FKBP15: variants seen among roughly 807,000 people sequenced by gnomAD.
FKBP15 encodes FKBP prolyl isomerase family member 15.
A neutral mutation model predicts 158.1 loss-of-function variants in FKBP15; 106 were observed. The observed-to-expected ratio is 0.67, with a 90% confidence interval of 0.57 to 0.79. The LOEUF (loss-of-function observed/expected upper bound fraction) is 0.79. Ranked by LOEUF, FKBP15 falls within the 30% of genes least tolerant of loss-of-function variation. The pLI is 0.00. For missense variants in FKBP15, 1,287 were observed against 1,479.1 expected, an observed-to-expected ratio of 0.87 and a Z score of 2.13; for synonymous variants, 547 against 548.6, an observed-to-expected ratio of 1.00 and a Z score of 0.04.
rs568992814 is a variant in FKBP15 at position 113,183,018 on chromosome 9, G to A, written c.1812-150C>T. 7.7e-5 allele frequency: 54 copies of A among 705,638 alleles called. No homozygotes were observed. In the South Asian group the frequency reaches 9.1e-4, roughly 12 times the overall value. 43.7% of individuals were successfully genotyped at this position (705,638 alleles called of 1,614,324 possible). On this transcript the variant is annotated intron_variant, in intron 18 of 27. Coordinates refer to ENST00000238256, the MANE Select transcript of FKBP15 (RefSeq NM_015258.2). ...GCATTTTCTTTTCCTTAGATCTGAA[G>A]TAGTGAGATCTAAGGAAATCAGGTT...
intron 21 of FKBP15, 34 bp from the exon 22 acceptor site, chr9:113,174,617 T>C: frequency 6.2e-7 from 1 of 1,603,820 alleles, no homozygotes; most frequent in Non-Finnish European, 8.5e-7. Flanking sequence ...CAGCTCTAGC[T>C]TGTTAACAGA....
chr9:113,215,620 G>A (rs1392198043), intron 1 of FKBP15, among the ~76,000 whole-genome samples: 103 of 108,842 alleles, frequency 9.5e-4, no homozygotes, highest in African/African-American at 3.8e-3. Context: ...GTGTGTGTGT[G>A]TGTGTATATA....
Position 113,161,836 on chromosome 9 carries a change from A to G in FKBP15, c.*4242T>C, listed in dbSNP as rs577666075. 75 of 908,982 alleles carry G rather than the reference A, an allele frequency of 8.3e-5. No individual in the cohort carries two copies. In the African/African-American group the frequency reaches 1.1e-3, roughly 14 times the overall value. The allele number at this position is 908,982 out of a possible 1,614,324, so 56.3% of individuals were successfully genotyped here. ...AGGACCAGGACTTGCCAAAGTGGCT[A>G]CACATAGCCAAGTGAACTAGAGCTC... On this transcript the variant is annotated 3_prime_UTR_variant, in exon 28 of 28. Transcript: ENST00000238256.
At position 113,198,282 on chromosome 9, in the gene FKBP15, G is replaced by T. The variant is rs1253913109; in HGVS notation, c.717+573C>A. On this transcript the variant is annotated intron_variant, in intron 8 of 27. Coordinates refer to ENST00000238256, the MANE Select transcript of FKBP15 (RefSeq NM_015258.2). This position sits in a 1 kb window ranked among gnomAD's most constrained non-coding sequence, Gnocchi z 5.2. ...TCCCCTGTTAGGCTATAGGAAGGAT[G>T]AAATAATATTCTCAGAGTCATAGAA... Among the ~76,000 whole-genome samples, 3 of 152,144 alleles carry T rather than the reference G, an allele frequency of 2.0e-5. No individual in the cohort carries two copies. Among genetic ancestry groups the T allele is most frequent in the Admixed American group, 2.0e-4 (3 of 15,278 alleles).
At chr9:113,193,779 T>C (rs1022757593) in intron 10 of FKBP15, among the ~76,000 whole-genome samples, 2 of 152,238 alleles carry the variant, frequency 1.3e-5, no homozygotes, top group Non-Finnish European at 2.9e-5. Context: ...TAATTTTGTA[T>C]TTATGCCCTT....
intron 4 of FKBP15, 69 bp from the exon 5 acceptor site, chr9:113,203,104 T>A: frequency 1.9e-6 from 2 of 1,056,266 alleles, no homozygotes; most frequent in Non-Finnish European, 2.8e-6. Flanking sequence ...CAATATAAAA[T>A]CAGCAATATA....
At chr9:113,209,330 T>C (rs777525661) in intron 2 of FKBP15, among the ~76,000 whole-genome samples, 10 of 152,154 alleles carry the variant, frequency 6.6e-5, no homozygotes, top group Non-Finnish European at 1.3e-4. Flanking sequence ...AGTGTTTTCA[T>C]TGGGTGGGAA....
At chr9:113,166,602 TCGTGGCCTAA>T (rs1264618909) in intron 27 of FKBP15, among the ~76,000 whole-genome samples, 4 of 152,186 alleles carry the variant, frequency 2.6e-5, no homozygotes, top group Non-Finnish European at 4.4e-5. Context: ...AATACTGTCG[TCGTGGCCTAA>T]GGTGGCCTGA....
intron 22 of FKBP15, 118 bp downstream of exon 22, chr9:113,174,310 G>T: frequency 9.4e-7 from 1 of 1,062,384 alleles, no homozygotes; most frequent in Non-Finnish European, 1.3e-6. Context: ...TTTCTCCAAA[G>T]TGAGAGTATC....
rs1351008488 is a variant in FKBP15 at position 113,187,867 on chromosome 9, G to A, written c.1309C>T (p.Pro437Ser). ...PQPSVTGLQA[P>S]SAALMQVSSL... is the part of the protein sequence containing the mutation. ...GACACTTGCATTAAGGCAGCAGAAG[G>A]TGCCTGGAGCCCAGTAACAGATGGC... Residue 437 changes from proline (P) to serine (S), a missense_variant, in exon 14 of 28, where the codon CCT (proline) becomes TCT (serine). Transcript: ENST00000238256. The A allele has an allele frequency of 3.7e-6, 6 of 1,613,906 alleles. No individual in the cohort carries two copies. In the East Asian group the frequency reaches 8.9e-5, roughly 24 times the overall value.
chr9:113,199,826 A>T lies in FKBP15; in HGVS notation c.636T>A (p.His212Gln), dbSNP rs748174595. Residue 212 changes from histidine to glutamine, a missense_variant, in exon 7 of 28, where the codon CAT becomes CAA. Coordinates refer to ENST00000238256, the MANE Select transcript of FKBP15 (RefSeq NM_015258.2). ...VAYTGWLFQN[H>Q]VLGQVFDSTA... is the part of the protein sequence containing the mutation. ...TGCATTTTCTTACCTGGCCCAGCAC[A>T]TGATTCTGAAAGAGCCAGCCGGTAT... 7.4e-6 allele frequency: 12 copies of T among 1,612,522 alleles called. No individual in the cohort carries two copies. The Admixed American group carries it at 2.0e-4, about 27-fold the overall frequency.
rs1198488685 is a variant in FKBP15 at position 113,221,257 on chromosome 9, A to C, written c.-14T>G. On this transcript the variant is annotated 5_prime_UTR_variant, in exon 1 of 28. Transcript: ENST00000238256. The stretch of plus-strand genomic sequence containing the variant: ...CGCACCGAACATTGCGTTGGCTTTC[A>C]CCGGGTTGCGGGGAGGAAGCTGGGT... 2 of 1,601,170 alleles carry C rather than the reference A, an allele frequency of 1.2e-6. No homozygotes were observed. Among genetic ancestry groups the C allele is most frequent in the Non-Finnish European group, 1.7e-6 (2 of 1,174,242 alleles).
rs936617068 is a variant in FKBP15 at position 113,202,967 on chromosome 9, C to A, written c.393G>T (p.Glu131Asp). The A allele has an allele frequency of 2.5e-6, 4 of 1,611,598 alleles. No homozygotes were observed. In the South Asian group the frequency reaches 3.3e-5, roughly 13 times the overall value. ...VTVARIHVNF[E>D]LMVRPNNYST... Reference sequence around the variant, plus strand: ...CAATATGATGAAGTCTTACCATTAGCTCAAAGTTCACATGAATCCTAGCAA... The same window carrying A: ...CAATATGATGAAGTCTTACCATTAGATCAAAGTTCACATGAATCCTAGCAA... Residue 131 changes from glutamate to aspartate, a missense_variant, in exon 5 of 28, where the codon GAG (glutamate) becomes GAT (aspartate). Transcript: ENST00000238256.
At position 113,211,506 on chromosome 9, in the gene FKBP15, G is replaced by C; in HGVS notation, c.140C>G (p.Pro47Arg). The C allele has an allele frequency of 6.2e-7, 1 of 1,609,158 alleles. No individual in the cohort carries two copies. The highest frequency in any genetic ancestry group is 8.5e-7 in the Non-Finnish European group (1 of 1,177,950). Reference sequence around the variant, plus strand: ...TGCTGCCGTTCCCTGGCCTTTCTTAGGCTGTTTTGGGGCTGTGTACTGGAA... The same window carrying C: ...TGCTGCCGTTCCCTGGCCTTTCTTACGCTGTTTTGGGGCTGTGTACTGGAA... Reference protein sequence around the residue: ...EFFQYTAPKQPKKGQGTAATG... With the variant: ...EFFQYTAPKQRKKGQGTAATG... Residue 47 changes from proline to arginine, a missense_variant, in exon 2 of 28, where the codon CCT becomes CGT. Coordinates refer to ENST00000238256, the MANE Select transcript of FKBP15 (RefSeq NM_015258.2).
chr9:113,198,523 C>T lies in FKBP15; in HGVS notation c.717+332G>A, dbSNP rs187884576. Among the ~76,000 whole-genome samples the T allele has an allele frequency of 3.9e-4, 59 of 152,280 alleles. 1 individual carries two copies. The highest frequency in any genetic ancestry group is 1.2e-3 in the South Asian group (6 of 4,828). On this transcript the variant is annotated intron_variant, in intron 8 of 27. Coordinates refer to ENST00000238256, the MANE Select transcript of FKBP15 (RefSeq NM_015258.2). This position sits in a 1 kb window ranked among gnomAD's most constrained non-coding sequence, Gnocchi z 5.2. ...ATCCCGGCACTTTGGGAGGCTGAGGCGGGTGGATCACCTGATGTCGGGAGT... is the reference window on the plus strand; with the variant it reads ...ATCCCGGCACTTTGGGAGGCTGAGGTGGGTGGATCACCTGATGTCGGGAGT...
chr9:113,174,554 A>C lies in FKBP15; in HGVS notation c.2253T>G (p.Ala751=). 6.2e-7 allele frequency: 1 copy of C among 1,613,932 alleles called. No individual in the cohort carries two copies. The highest frequency in any genetic ancestry group is 1.1e-5 in the South Asian group (1 of 91,078). The stretch of plus-strand genomic sequence containing the variant: ...CCTCCTCGGCCTGAGAACGCTCTTG[A>C]GCTGACTTCTTTTTCCTTTCTGAGA... ...KNLSERKKKS[A]QERSQAEEEI... is the part of the protein sequence containing the mutation. Residue 751 remains alanine (A), a synonymous_variant, in exon 22 of 28, where the codon GCT becomes GCG. Transcript: ENST00000238256.
chr9:113,170,152 C>A (rs982132760), intron 25 of FKBP15, among the ~76,000 whole-genome samples: 2 of 151,818 alleles, frequency 1.3e-5, no homozygotes, highest in South Asian at 4.1e-4. Flanking sequence ...GAGACAGGGT[C>A]TTGCTCTGTT....
At chr9:113,190,716 A>G in intron 11 of FKBP15, 138 bp from the exon 12 acceptor site, 1 of 644,898 alleles carries the variant, frequency 1.6e-6, no homozygotes, top group Non-Finnish European at 2.7e-6. Context: ...TCCTCTAGAA[A>G]ATGAGAAAGA....
Position 113,202,580 on chromosome 9 carries a change from C to T in FKBP15, c.449G>A (p.Trp150Ter). ...STFYDDQRQN[W>*]SIMFESEKAA... is the part of the protein sequence containing the mutation. ...CTTTTCCGACTCAAACATGATGGAC[C>T]AGTTCTGTCTCTGGTCATCATAAAA... The change falls in exon 6 of 28, where the codon TGG becomes TAG. Residue 150 changes from tryptophan to a stop codon, truncating the protein, a stop_gained. Transcript: ENST00000238256. LOFTEE classifies it high-confidence loss of function. 1 of 1,584,360 alleles carries T rather than the reference C, an allele frequency of 6.3e-7. No individual in the cohort carries two copies. Among genetic ancestry groups the T allele is most frequent in the Non-Finnish European group, 8.6e-7 (1 of 1,164,170 alleles).
Sources: allele counts gnomAD v4.1 joint callset (sites outside exome capture counted in the v4.1 genomes callset), GRCh38; gene constraint gnomAD v4.1.1; non-coding constraint Gnocchi (gnomAD v3.1); transcripts MANE v1.5; gene names NCBI Gene and HGNC (gene_info 2026-07-23, HGNC 2026-07-21).